Variants in CCDC178 observed in about 807,000 individuals in gnomAD.
The protein encoded by CCDC178 is coiled-coil domain-containing protein 178.
A neutral mutation model predicts 117.4 loss-of-function variants in CCDC178; 126 were observed. The observed-to-expected ratio is 1.07, with a 90% CI of 0.93 to 1.24. CCDC178 has a LOEUF of 1.24. CCDC178 is among the 50% of genes most tolerant of loss of function. The probability of loss-of-function intolerance (pLI) is 0.00; values close to 1 mark genes in which losing one functional copy is unlikely to be tolerated. For missense variants in CCDC178, 1,030 were observed against 986.9 expected (o/e 1.04, Z -0.59); for synonymous variants, 283 against 313.4 (o/e 0.90, Z 1.02).
In CCDC178 at chr18:33,327,546, G is replaced by A. The variant is rs149471230; in HGVS notation, c.880-3913C>T. ...AAATAACCAAAATGTTTTCCATAGC[G>A]GCTGCACTATTTTTGCATTCCCACC... On this transcript the variant is annotated intron_variant, in intron 10 of 22. Transcript: ENST00000383096. 3.5e-3 allele frequency among the ~76,000 whole-genome samples: 534 copies of A among 152,118 alleles called. 2 individuals are homozygous for A. Among genetic ancestry groups the A allele is most frequent in the African/African-American group, 0.012 (499 of 41,490 alleles).
rs34516079 is a variant in CCDC178, at chr18:33,038,959, AAC to A, written c.2388+53800_2388+53801del. On this transcript the variant is annotated intron_variant, in intron 21 of 22. Coordinates refer to ENST00000383096, the MANE Select transcript of CCDC178 (RefSeq NM_001105528.4). ...CACAAAAAGGCAAGTCAATCAAAAC[AAC>A]ACACAACATATGTATATGGCCAAAA... 8.7e-3 allele frequency among the ~76,000 whole-genome samples: 1,323 copies of A among 152,142 alleles called. 17 individuals are homozygous for A. The highest frequency in any genetic ancestry group is 0.03 in the African/African-American group (1,240 of 41,534).
At chr18:33,439,023 C>T (rs1481521973) in intron 2 of CCDC178, among the ~76,000 whole-genome samples, 2 of 152,142 alleles carry the variant, frequency 1.3e-5, no homozygotes, top group East Asian at 3.9e-4. Context: ...TCGTAGTAAC[C>T]CTATCCCCAA....
chr18:33,386,829 C>A (rs997065984), intron 5 of CCDC178, among the ~76,000 whole-genome samples: 2 of 152,126 alleles, frequency 1.3e-5, no homozygotes, highest in African/African-American at 4.8e-5. Flanking sequence ...CCCTCACTCA[C>A]CACTCTTATT....
At chr18:33,376,563 A>C (rs370450444) in intron 5 of CCDC178, among the ~76,000 whole-genome samples, 1 of 152,134 alleles carries the variant, frequency 6.6e-6, no homozygotes, top group Admixed American at 6.6e-5. Flanking sequence ...TATTGAGCAT[A>C]GTACATAATG....
At chr18:33,374,986 T>C (rs1016489751) in intron 5 of CCDC178, among the ~76,000 whole-genome samples, 1 of 152,188 alleles carries the variant, frequency 6.6e-6, no homozygotes, top group African/African-American at 2.4e-5. Context: ...GGGGCACGAA[T>C]GAACTTTCTG....
chr18:33,369,481 A>ATAATC (rs2063267000), intron 6 of CCDC178, among the ~76,000 whole-genome samples: 1 of 152,022 alleles, frequency 6.6e-6, no homozygotes, highest in Non-Finnish European at 1.5e-5. Flanking sequence ...GTTCAGAAAT[A>ATAATC]TAATCTTAAT....
rs372551259 is a variant in CCDC178, at chr18:33,091,324, C to T, written c.2388+1437G>A. 7.4e-3 allele frequency among the ~76,000 whole-genome samples: 323 copies of T among 43,828 alleles called. 1 individual carries two copies. Among genetic ancestry groups the T allele is most frequent in the Middle Eastern group, 0.042 (1 of 24 alleles). The allele number at this position is 43,828 out of a possible 152,430, so 28.8% of individuals were successfully genotyped here. A position where few individuals can be genotyped will look rare whatever the true frequency, so the allele number is the denominator to read the frequency against. On this transcript the variant is annotated intron_variant, in intron 21 of 22. Transcript: ENST00000383096. ...CTTTCCCAAACACACTTATTTCATT[C>T]TTTTTTTTTTTTTTTTTTTTTTTTT...
At chr18:33,128,409 G>A (rs1442667875) in intron 20 of CCDC178, among the ~76,000 whole-genome samples, 1 of 152,108 alleles carries the variant, frequency 6.6e-6, no homozygotes, top group Non-Finnish European at 1.5e-5. Flanking sequence ...CAATTTGTGG[G>A]AAACCTGGAA....
chr18:32,976,292 T>C (rs1282500568), intron 21 of CCDC178, among the ~76,000 whole-genome samples: 1 of 152,136 alleles, frequency 6.6e-6, no homozygotes, highest in African/African-American at 2.4e-5. Flanking sequence ...TATCTTGATA[T>C]ACTCATTAAG....
intron 21 of CCDC178, among the ~76,000 whole-genome samples, chr18:32,975,266 T>C (rs2055007876): frequency 6.6e-6 from 1 of 152,178 alleles, no homozygotes; most frequent in Admixed American, 6.5e-5. Flanking sequence ...TAGAACTCCC[T>C]ATTAATCTAC....
At chr18:33,351,372 T>C (rs962096141) in intron 7 of CCDC178, among the ~76,000 whole-genome samples, 139 of 152,194 alleles carry the variant, frequency 9.1e-4, no homozygotes, top group Admixed American at 5.2e-4. Flanking sequence ...TTTGTATTTT[T>C]AGTAGAGACG....
chr18:33,325,359 T>C (rs1245704685), intron 10 of CCDC178, among the ~76,000 whole-genome samples: 1 of 152,074 alleles, frequency 6.6e-6, no homozygotes, highest in Non-Finnish European at 1.5e-5. Context: ...CACAGTGCTA[T>C]AATACATTTC....
At chr18:33,258,825 T>C (rs2059709833) in intron 14 of CCDC178, among the ~76,000 whole-genome samples, 1 of 152,146 alleles carries the variant, frequency 6.6e-6, no homozygotes, top group Non-Finnish European at 1.5e-5. Flanking sequence ...TTAAATGAAG[T>C]ACAAATAAAG....
Position 33,346,271 on chromosome 18 carries a change from T to A in CCDC178, c.598A>T (p.Met200Leu). ...QQRSRKNMIN[M>L]KIDSWSVWKL... ...CAGACTGACCAAGAGTCAATTTTCA[T>A]GTTAATCATATTCTTTCTTGATCTC... Residue 200 changes from methionine to leucine, a missense_variant, in exon 9 of 23, where the codon ATG becomes TTG. Physicochemically the swap from Met to Leu is conservative, Grantham distance 15 (BLOSUM62 2). Coordinates refer to ENST00000383096, the MANE Select transcript of CCDC178 (RefSeq NM_001105528.4). The A allele has an allele frequency of 6.2e-7, 1 of 1,613,788 alleles. No individual in the cohort carries two copies. Among genetic ancestry groups the A allele is most frequent in the Middle Eastern group, 1.6e-4 (1 of 6,062 alleles).
intron 11 of CCDC178, among the ~76,000 whole-genome samples, chr18:33,315,892 T>C (rs1051752733): frequency 3.3e-4 from 50 of 152,256 alleles, no homozygotes; most frequent in Non-Finnish European, 6.8e-4. Context: ...TACCGATTCT[T>C]GCAAAATATA....
chr18:33,213,379 G>T (rs2059129215), intron 19 of CCDC178, among the ~76,000 whole-genome samples: 1 of 151,758 alleles, frequency 6.6e-6, no homozygotes, highest in Non-Finnish European at 1.5e-5. Context: ...CATCTATCTT[G>T]CCCTGGTTTT....
At chr18:32,985,052 G>T (rs950054176) in intron 21 of CCDC178, among the ~76,000 whole-genome samples, 1 of 151,680 alleles carries the variant, frequency 6.6e-6, no homozygotes, top group Non-Finnish European at 1.5e-5. Flanking sequence ...TCAAGAAAAT[G>T]CTTTAAAAAT....
At chr18:33,376,637 G>C (rs957781983) in intron 5 of CCDC178, among the ~76,000 whole-genome samples, 2 of 152,132 alleles carry the variant, frequency 1.3e-5, no homozygotes, top group East Asian at 3.9e-4. Flanking sequence ...AGTGTCTATT[G>C]ATGCCATCTT....
intron 3 of CCDC178, among the ~76,000 whole-genome samples, chr18:33,398,289 T>C (rs1568201449): frequency 6.6e-6 from 1 of 152,034 alleles, no homozygotes; most frequent in Non-Finnish European, 1.5e-5. Flanking sequence ...TATTCCATGA[T>C]AAGATATGAT....
Sources: gnomAD v4.1 joint callset for allele counts (sites outside exome capture counted in the v4.1 genomes callset) on GRCh38, gnomAD v4.1.1 for gene constraint, MANE v1.5 for transcripts, NCBI Gene and HGNC (gene_info 2026-07-23, HGNC 2026-07-21) for gene names.